Variants in THADA observed in about 807,000 individuals in gnomAD.
THADA encodes the protein tRNA (32-2'-O)-methyltransferase regulator THADA.
A neutral mutation model predicts 219.8 loss-of-function variants in THADA; 213 were observed. The ratio of observed to expected loss-of-function variants is 0.97; its 90% CI spans 0.87 to 1.09. The LOEUF is 1.09. THADA is among the 50% of genes least tolerant of loss of function. The probability of loss-of-function intolerance (pLI) is 0.00; values close to 1 mark genes in which losing one functional copy is unlikely to be tolerated. For missense variants in THADA, 2,956 were observed against 2,311.3 expected (o/e 1.28, Z -5.72); for synonymous variants, 1,018 against 828.9 (o/e 1.23, Z -3.92).
chr2:43,350,882 A>C (rs1343207628), intron 29 of THADA, among the ~76,000 whole-genome samples: 1 of 152,200 alleles, frequency 6.6e-6, no homozygotes, highest in Admixed American at 6.5e-5. Context: ...TGTTGCTGCC[A>C]GGAAAAGGAT....
Position 43,400,457 on chromosome 2 carries a change from T to TTATATATATATATATATATATATATATA in THADA, c.4059-2319_4059-2318insTATATATATATATATATATATATATATA, listed in dbSNP as rs539798216. Among the ~76,000 whole-genome samples the TTATATATATATATATATATATATATATA allele has an allele frequency of 5.6e-3, 506 of 89,564 alleles. 15 individuals are homozygous for TTATATATATATATATATATATATATATA. The highest frequency in any genetic ancestry group is 9.9e-3 in the Non-Finnish European group (370 of 37,436). The allele number at this position is 89,564 out of a possible 152,430, so 58.8% of individuals were successfully genotyped here. A position where few individuals can be genotyped will look rare whatever the true frequency, so the allele number is the denominator to read the frequency against. On this transcript the variant is annotated intron_variant, in intron 28 of 37. Transcript: ENST00000405975. ...TGGAAAGATTAGATCATAGACAAAT[T>TTATATATATATATATATATATATATATA]TATATATATATATATATATAAATAT... is the stretch of plus-strand genomic sequence containing the variant.
intron 36 of THADA, among the ~76,000 whole-genome samples, chr2:43,245,387 G>A (rs1393111391): frequency 6.6e-6 from 1 of 151,910 alleles, no homozygotes; most frequent in African/African-American, 2.4e-5. Context: ...TGGTCAGGCT[G>A]GTCTTGAACC....
Position 43,231,329 on chromosome 2 carries a change from G to A in THADA, c.5481C>T (p.Tyr1827=). The A allele has an allele frequency of 6.4e-7, 1 of 1,550,512 alleles. No individual in the cohort carries two copies. Among genetic ancestry groups the A allele is most frequent in the Non-Finnish European group, 8.7e-7 (1 of 1,152,336 alleles). ...VESMHQVEED[Y]LFEKAEVNFW... ...AGTTGACTTCTGCTTTTTCAAACAG[G>A]TAGTCTTCTTCCACCTAAATCAGAT... is the stretch of plus-strand genomic sequence containing the variant. The change falls in exon 38 of 38, where the codon TAC becomes TAT. Residue 1827 remains tyrosine (Y), a synonymous_variant. Transcript: ENST00000405975.
chr2:43,348,182 T>C lies in THADA; in HGVS notation c.4228-3945A>G, dbSNP rs755277117. Among the ~76,000 whole-genome samples the C allele has an allele frequency of 7.9e-4, 120 of 152,206 alleles. 1 individual carries two copies. The highest frequency in any genetic ancestry group is 1.5e-3 in the Non-Finnish European group (103 of 68,030). On this transcript the variant is annotated intron_variant, in intron 29 of 37. Coordinates refer to ENST00000405975, the MANE Select transcript of THADA (RefSeq NM_022065.5). The stretch of plus-strand genomic sequence containing the variant: ...CACATTAAAGTCATCCTGATTTCCA[T>C]TTTGAAAAATTAGATCTGGCTATAG...
At chr2:43,264,432 T>C (rs1480412349) in intron 36 of THADA, among the ~76,000 whole-genome samples, 1 of 151,906 alleles carries the variant, frequency 6.6e-6, no homozygotes, top group Non-Finnish European at 1.5e-5. Context: ...ATTACAGGCA[T>C]GCACTACCAC....
Position 43,474,173 on chromosome 2 carries a change from T to G in THADA, c.3836+11061A>C, listed in dbSNP as rs919847943. Among the ~76,000 whole-genome samples, 21 of 152,188 alleles carry G rather than the reference T, an allele frequency of 1.4e-4. 1 individual carries two copies. The highest frequency in any genetic ancestry group is 1.3e-3 in the Admixed American group (20 of 15,280). On this transcript the variant is annotated intron_variant, in intron 26 of 37. Transcript: ENST00000405975. Reference sequence around the variant, plus strand: ...CCATGACCTGAATCACTTAGTGTCATATGGATAGAGCAAAAGAAGGAAGAA... The same window carrying G: ...CCATGACCTGAATCACTTAGTGTCAGATGGATAGAGCAAAAGAAGGAAGAA...
intron 20 of THADA, among the ~76,000 whole-genome samples, chr2:43,544,003 A>G (rs2103833284): frequency 6.6e-6 from 1 of 152,258 alleles, no homozygotes; most frequent in Admixed American, 6.5e-5. Context: ...TTATGGTTTT[A>G]GGTCTAAAGT....
intron 28 of THADA, 88 bp from the exon 29 acceptor site, chr2:43,398,227 T>G: frequency 7.1e-7 from 1 of 1,410,944 alleles, no homozygotes; most frequent in Non-Finnish European, 9.7e-7. Context: ...TAGCATGGCC[T>G]GGAACATCCA....
intron 36 of THADA, among the ~76,000 whole-genome samples, chr2:43,241,264 A>G (rs763745744): frequency 6.6e-6 from 1 of 151,544 alleles, no homozygotes; most frequent in East Asian, 2.0e-4. Flanking sequence ...TAATTTTTGT[A>G]TTTTTTGTAG....
chr2:43,232,849 G>A lies in THADA; in HGVS notation c.5330C>T (p.Ala1777Val). The change falls in exon 37 of 38, where the codon GCT becomes GTT. Residue 1777 changes from alanine (A) to valine (V), a missense_variant. By Grantham distance (64) the Ala-to-Val change is moderately conservative. Transcript: ENST00000405975. ...CAGGACGGCCAGGGCCAGGGCCAGAGCGATGGAGGCATCCACCTGGCAGAA... is the reference window on the plus strand; with the variant it reads ...CAGGACGGCCAGGGCCAGGGCCAGAACGATGGAGGCATCCACCTGGCAGAA... ...FAFCQVDASI[A>V]LALALAVLCD... The A allele has an allele frequency of 6.2e-7, 1 of 1,611,704 alleles. No homozygotes were observed. The highest frequency in any genetic ancestry group is 8.5e-7 in the Non-Finnish European group (1 of 1,179,112).
At chr2:43,332,783 A>C (rs75706751) in intron 30 of THADA, among the ~76,000 whole-genome samples, 1,537 of 152,308 alleles carry the variant, frequency 0.01, 31 homozygotes, top group African/African-American at 0.034. Flanking sequence ...AACAAGACAG[A>C]GATTTCTGAG....
chr2:43,423,734 T>A (rs1043144240), intron 28 of THADA, among the ~76,000 whole-genome samples: 6 of 152,164 alleles, frequency 3.9e-5, no homozygotes, highest in Non-Finnish European at 5.9e-5. Context: ...TGTTCAGGAT[T>A]CTATGGTCCT....
At chr2:43,323,950 G>C (rs1349876456) in intron 30 of THADA, among the ~76,000 whole-genome samples, 4 of 152,202 alleles carry the variant, frequency 2.6e-5, no homozygotes, top group African/African-American at 7.2e-5. Flanking sequence ...TGATAAGGTG[G>C]AAACAAGAGG....
At chr2:43,321,779 C>T (rs931426064) in intron 30 of THADA, among the ~76,000 whole-genome samples, 1 of 152,182 alleles carries the variant, frequency 6.6e-6, no homozygotes, top group African/African-American at 2.4e-5. Context: ...AAAATGCCCA[C>T]CTCAGTGCCT....
intron 17 of THADA, among the ~76,000 whole-genome samples, chr2:43,555,741 A>C (rs1697271184): frequency 6.6e-6 from 1 of 152,090 alleles, no homozygotes; most frequent in Non-Finnish European, 1.5e-5. Flanking sequence ...GGAAATAATA[A>C]TTTTTAACTC....
At chr2:43,282,896 A>G (rs1422102027) in intron 35 of THADA, among the ~76,000 whole-genome samples, 2 of 152,228 alleles carry the variant, frequency 1.3e-5, no homozygotes, top group Non-Finnish European at 2.9e-5. Context: ...TGGAAACCAG[A>G]TAAGATCTGT....
At chr2:43,464,205 C>T (rs1683966953) in intron 26 of THADA, among the ~76,000 whole-genome samples, 1 of 152,116 alleles carries the variant, frequency 6.6e-6, no homozygotes, top group Non-Finnish European at 1.5e-5. Flanking sequence ...CTATGTTTCT[C>T]CAACTTGAAG....
At chr2:43,472,846 C>G (rs1230652674) in intron 26 of THADA, among the ~76,000 whole-genome samples, 1 of 152,070 alleles carries the variant, frequency 6.6e-6, no homozygotes, top group African/African-American at 2.4e-5. Flanking sequence ...GTAGGCAATA[C>G]TAACACAGTA....
At chr2:43,377,131 C>T (rs990113020) in intron 29 of THADA, among the ~76,000 whole-genome samples, 7 of 152,152 alleles carry the variant, frequency 4.6e-5, no homozygotes, top group Admixed American at 3.9e-4. Context: ...TTGGGATAAA[C>T]AATAGCATCT....
Sources: allele counts gnomAD v4.1 joint callset (sites outside exome capture counted in the v4.1 genomes callset), GRCh38; gene constraint gnomAD v4.1.1; transcripts MANE v1.5; gene names NCBI Gene and HGNC (gene_info 2026-07-23, HGNC 2026-07-21).